The following RAB25 variants were observed in gnomAD, a reference collection of about 807,000 sequenced individuals.
The protein encoded by RAB25 is ras-related protein Rab-25.
A neutral mutation model predicts 25.2 loss-of-function variants in RAB25; 23 were observed. That is an observed-to-expected ratio of 0.91 (90% confidence interval 0.66 to 1.29). RAB25 has a LOEUF of 1.29. Ranked by LOEUF, RAB25 falls within the 50% of genes most tolerant of loss-of-function variation. The pLI is 0.00. For synonymous variants in RAB25, 102 were observed against 111.5 expected, an observed-to-expected ratio of 0.91 and a Z score of 0.54; for missense variants, 244 against 277.3, an observed-to-expected ratio of 0.88 and a Z score of 0.85.
chr1:156,066,678 C>T (rs1647754717), intron 2 of RAB25, among the ~76,000 whole-genome samples: 1 of 152,240 alleles, frequency 6.6e-6, no homozygotes, highest in African/African-American at 2.4e-5. Flanking sequence ...TTGGCTCACA[C>T]CTGTAATCCC....
At chr1:156,064,394 C>T (rs1271116794) in intron 1 of RAB25, among the ~76,000 whole-genome samples, 1 of 151,268 alleles carries the variant, frequency 6.6e-6, no homozygotes, top group African/African-American at 2.4e-5. Context: ...GCATGTGCCA[C>T]CACACTTGGC....
chr1:156,062,858 A>G (rs575226686), intron 1 of RAB25, among the ~76,000 whole-genome samples: 57 of 152,050 alleles, frequency 3.7e-4, no homozygotes, highest in African/African-American at 1.3e-3. Context: ...GTTCCAGACC[A>G]GCCTGGCCAA....
At chr1:156,067,530 G>T (rs1647776689) in intron 2 of RAB25, among the ~76,000 whole-genome samples, 1 of 152,246 alleles carries the variant, frequency 6.6e-6, no homozygotes, top group African/African-American at 2.4e-5. Flanking sequence ...ACTGCTGCAA[G>T]AGGTAGGCAT....
intron 4 of RAB25, 177 bp from the exon 5 acceptor site, chr1:156,069,983 C>A: frequency 9.7e-7 from 1 of 1,029,078 alleles, no homozygotes; most frequent in Non-Finnish European, 1.5e-6. Flanking sequence ...TCCTTCTCCA[C>A]CCAAGTAAGT....
At chr1:156,069,599 A>G (rs1647846714) in intron 3 of RAB25, 72 bp from the exon 4 acceptor site, 7 of 1,230,032 alleles carry the variant, frequency 5.7e-6, no homozygotes, top group Non-Finnish European at 8.4e-6. Context: ...AAATGTATAT[A>G]GCAAACATTA....
At chr1:156,068,515 C>T (rs768637041) in intron 3 of RAB25, 52 bp downstream of exon 3, 64 of 1,567,966 alleles carry the variant, frequency 4.1e-5, no homozygotes, top group Non-Finnish European at 5.6e-5. Context: ...GCCCACCTTT[C>T]CCTTGCAGTC....
intron 2 of RAB25, among the ~76,000 whole-genome samples, chr1:156,067,721 G>A (rs981971896): frequency 2.6e-5 from 4 of 152,222 alleles, no homozygotes. Context: ...GAAGCCAATA[G>A]AGATTTTAGA....
intron 4 of RAB25, 123 bp from the exon 5 acceptor site, chr1:156,070,037 C>T: frequency 6.8e-7 from 1 of 1,467,660 alleles, no homozygotes; most frequent in Non-Finnish European, 9.5e-7. Context: ...TCCTGCAAAA[C>T]CTCCTGCAAG....
intron 2 of RAB25, 83 bp downstream of exon 2, chr1:156,066,189 A>T: frequency 3.6e-6 from 4 of 1,096,126 alleles, no homozygotes; most frequent in East Asian, 3.1e-5. Flanking sequence ...GTGGGGGAGG[A>T]GGAGGCAAGG....
rs1031721511 is a variant in RAB25 at position 156,064,662 on chromosome 1, G to A, written c.44-1249G>A. On this transcript the variant is annotated intron_variant, in intron 1 of 4. Coordinates refer to ENST00000361084, the MANE Select transcript of RAB25 (RefSeq NM_020387.4). ...ACTTGTGGGCTCAAGAGATACTCCC[G>A]CCTTGGCCTCCCAAAGTTCTGGGAT... Among the ~76,000 whole-genome samples, 88 of 152,182 alleles carry A rather than the reference G, an allele frequency of 5.8e-4. 1 individual carries two copies. The highest frequency in any genetic ancestry group is 1.5e-4 in the Non-Finnish European group (10 of 67,994).
chr1:156,068,564 G>A lies in RAB25; in HGVS notation c.433+101G>A, dbSNP rs1647820908. The A allele has an allele frequency of 5.8e-6, 7 of 1,203,022 alleles. No homozygotes were observed. The East Asian group carries it at 9.7e-5, about 17-fold the overall frequency. 74.5% of individuals were successfully genotyped at this position (1,203,022 alleles called of 1,614,324 possible). ...CCCCACCCATAGAGCCCCTAGCCTG[G>A]CCTTCCTCCATACAGTCCTCTACCC... On this transcript the variant is annotated intron_variant, in intron 3 of 4. Transcript: ENST00000361084.
chr1:156,067,965 C>T (rs1647791661), intron 2 of RAB25, among the ~76,000 whole-genome samples: 1 of 152,156 alleles, frequency 6.6e-6, no homozygotes, highest in South Asian at 2.1e-4. Context: ...ATTGGTTAGG[C>T]TAGTCTTGAA....
At chr1:156,065,860 G>T (rs746104045) in intron 1 of RAB25, 51 bp from the exon 2 acceptor site, 17 of 1,409,374 alleles carry the variant, frequency 1.2e-5, no homozygotes, top group Admixed American at 2.1e-5. Context: ...GCTCAGGTGG[G>T]GTTGGAGCTG....
chr1:156,067,178 A>T (rs551961004), intron 2 of RAB25, among the ~76,000 whole-genome samples: 1 of 150,646 alleles, frequency 6.6e-6, no homozygotes, highest in East Asian at 1.9e-4. Flanking sequence ...GGTTGCAGTG[A>T]GCCAAGATCA....
chr1:156,063,638 C>T (rs897933109), intron 1 of RAB25, among the ~76,000 whole-genome samples: 1 of 152,180 alleles, frequency 6.6e-6, no homozygotes, highest in South Asian at 2.1e-4. Context: ...CCAGTGAGGC[C>T]GCTGTCTGCA....
At chr1:156,065,306 G>A (rs904435112) in intron 1 of RAB25, among the ~76,000 whole-genome samples, 13 of 152,084 alleles carry the variant, frequency 8.5e-5, no homozygotes, top group Admixed American at 7.2e-4. Flanking sequence ...TTAACCATGC[G>A]GGACTGTCCC....
In RAB25 at chr1:156,061,354, G is replaced by C; in HGVS notation, c.-47G>C. 1 of 1,594,414 alleles carries C rather than the reference G, an allele frequency of 6.3e-7. No individual in the cohort carries two copies. The highest frequency in any genetic ancestry group is 2.2e-5 in the East Asian group (1 of 44,746). On this transcript the variant is annotated 5_prime_UTR_variant, in exon 1 of 5. Transcript: ENST00000361084. ...GGGCATTGAGCCAACACACAGATTT[G>C]TCGCCTCTGTCCCCGAAGACACCTG... is the stretch of plus-strand genomic sequence containing the variant.
chr1:156,065,377 C>T (rs1169431639), intron 1 of RAB25, among the ~76,000 whole-genome samples: 3 of 152,208 alleles, frequency 2.0e-5, no homozygotes, highest in Non-Finnish European at 2.9e-5. Context: ...GCCTTCCTCT[C>T]ACCCACAGAT....
intron 4 of RAB25, 28 bp downstream of exon 4, chr1:156,069,779 CT>C: frequency 6.4e-7 from 1 of 1,562,282 alleles, no homozygotes; most frequent in Non-Finnish European, 8.8e-7. Flanking sequence ...TTCTGCACCC[CT>C]ATTCCATCCC....
Sources: gnomAD v4.1 joint callset for allele counts (sites outside exome capture counted in the v4.1 genomes callset) on GRCh38, gnomAD v4.1.1 for gene constraint, MANE v1.5 for transcripts, NCBI Gene and HGNC (gene_info 2026-07-23, HGNC 2026-07-21) for gene names.